The following KANK3 variants were observed in gnomAD, a reference collection of about 807,000 sequenced individuals.
The protein encoded by KANK3 is KN motif and ankyrin repeat domain-containing protein 3.
KANK3 carries 61 observed loss-of-function variants against 65.4 expected under a neutral mutation model. The observed-to-expected ratio is 0.93, with a 90% CI of 0.76 to 1.15. The LOEUF is 1.15. Among genes scored for constraint, KANK3 ranks in the 50% most tolerant of loss-of-function variants. The pLI is 0.00. For synonymous variants in KANK3, 586 were observed against 543.3 expected (o/e 1.08, Z -1.09); for missense variants, 1,187 against 1,178.8 (o/e 1.01, Z -0.10).
chr19:8,328,173 G>T (rs1236641864), intron 7 of KANK3, among the ~76,000 whole-genome samples: 1 of 152,066 alleles, frequency 6.6e-6, no homozygotes, highest in Non-Finnish European at 1.5e-5. Flanking sequence ...CGCTACTTGG[G>T]AGACTGAGGA....
At chr19:8,327,710 C>T (rs1264257337) in intron 7 of KANK3, among the ~76,000 whole-genome samples, 1 of 152,084 alleles carries the variant, frequency 6.6e-6, no homozygotes, top group East Asian at 1.9e-4. Context: ...GGAAGGATCG[C>T]TTGAGCCTGG....
At chr19:8,340,070 G>A (rs1247142021) in intron 1 of KANK3, among the ~76,000 whole-genome samples, 1 of 151,462 alleles carries the variant, frequency 6.6e-6, no homozygotes, top group Non-Finnish European at 1.5e-5. Context: ...TCAGGGAGGG[G>A]AAAGTGCCTA....
At chr19:8,336,935 C>T (rs1045932104) in intron 2 of KANK3, among the ~76,000 whole-genome samples, 2 of 151,986 alleles carry the variant, frequency 1.3e-5, no homozygotes, top group Non-Finnish European at 2.9e-5. Context: ...GAGGAATGGA[C>T]GCACAAGGGC....
Position 8,334,383 on chromosome 19 carries a change from G to A in KANK3, c.1364C>T (p.Thr455Ile), listed in dbSNP as rs773029634. The A allele has an allele frequency of 3.1e-6, 5 of 1,613,998 alleles. No homozygotes were observed. The South Asian group carries it at 3.3e-5, about 11-fold the overall frequency. ...TCCGGAGCTGGGTTGGGCACCAGGT[G>A]TGCCGTCTCTCTTCTTCATGATGGA... The part of the protein sequence containing the change: ...LKSIMKKRDG[T>I]PGAQPSSGPK... Residue 455 changes from threonine (T) to isoleucine (I), a missense_variant, in exon 4 of 11, where the codon ACA (threonine) becomes ATA (isoleucine). Coordinates refer to ENST00000330915, the MANE Select transcript of KANK3 (RefSeq NM_198471.3).
chr19:8,335,397 C>G lies in KANK3; in HGVS notation c.430G>C (p.Ala144Pro). 1 of 1,201,768 alleles carries G rather than the reference C, an allele frequency of 8.3e-7. No individual in the cohort carries two copies. The allele number at this position is 1,201,768 out of a possible 1,614,324, so 74.4% of individuals were successfully genotyped here. A position where few individuals can be genotyped will look rare whatever the true frequency, so the allele number is the denominator to read the frequency against. ...CTGGGCGCGCGCTCGTGTGTCTGCG[C>G]CAGCTCCAGCCGCCGGCTGGTCTCC... ...LRETSRRLEL[A>P]QTHERAPSPG... The change falls in exon 3 of 11, where the codon GCG (alanine) becomes CCG (proline). Residue 144 changes from alanine (A) to proline (P), a missense_variant. Ala to Pro is a conservative substitution (Grantham distance 27). This residue lies in a region of KANK3 where 1,078 missense variants were observed against 1,038.2 expected (regional missense o/e 1.04). Coordinates refer to ENST00000330915, the MANE Select transcript of KANK3 (RefSeq NM_198471.3).
intron 10 of KANK3, 113 bp from the exon 11 acceptor site, chr19:8,323,035 C>G: frequency 1.7e-6 from 1 of 599,906 alleles, no homozygotes; most frequent in Non-Finnish European, 2.8e-6. Context: ...CCCAGGCTGC[C>G]TGGTTTGTAT....
intron 1 of KANK3, among the ~76,000 whole-genome samples, chr19:8,339,975 AAAAAAAAAAG>A (rs1223142203): frequency 1.5e-4 from 21 of 139,538 alleles, no homozygotes; most frequent in Middle Eastern, 3.6e-3. Flanking sequence ...AAAAAAAAAA[AAAAAAAAAAG>A]AAAAGAAAAG....
chr19:8,340,256 C>G (rs1970706556), intron 1 of KANK3, among the ~76,000 whole-genome samples: 1 of 46,228 alleles, frequency 2.2e-5, no homozygotes, highest in South Asian at 5.4e-4. Flanking sequence ...AGCCAGACTC[C>G]GTCTCAAAAA....
chr19:8,334,982 C>A lies in KANK3; in HGVS notation c.845G>T (p.Gly282Val). The stretch of plus-strand genomic sequence containing the variant: ...CTCCCCGTCGAGGACCTGGAGCGCG[C>A]CCTCGCTGCGCCCTGCAGCCAGGCC... The part of the protein sequence containing the change: ...PDGLAAGRSE[G>V]ALQVLDGEVG... Residue 282 changes from glycine to valine, a missense_variant, in exon 3 of 11, where the codon GGC becomes GTC. Gly to Val is a moderately radical substitution (Grantham distance 109). Transcript: ENST00000330915. The A allele has an allele frequency of 1.3e-6, 2 of 1,492,206 alleles. No individual in the cohort carries two copies. Among genetic ancestry groups the A allele is most frequent in the Non-Finnish European group, 1.8e-6 (2 of 1,131,054 alleles). 92.4% of individuals were successfully genotyped at this position (1,492,206 alleles called of 1,614,324 possible).
chr19:8,327,892 C>A (rs948314235), intron 7 of KANK3, among the ~76,000 whole-genome samples: 1 of 152,160 alleles, frequency 6.6e-6, no homozygotes, highest in African/African-American at 2.4e-5. Flanking sequence ...CAGAAATAAC[C>A]AGAGTGGGGT....
chr19:8,343,087 G>A (rs1317639431), intron 1 of KANK3, 138 bp downstream of exon 1: 1 of 152,220 alleles, frequency 6.6e-6, no homozygotes, highest in Non-Finnish European at 1.5e-5. Flanking sequence ...CCGGCCAGAG[G>A]ACACGACGCC....
Position 8,334,692 on chromosome 19 carries a change from G to C in KANK3, c.1135C>G (p.Leu379Val), listed in dbSNP as rs1319257223. 2 of 1,533,252 alleles carry C rather than the reference G, an allele frequency of 1.3e-6. No homozygotes were observed. Among genetic ancestry groups the C allele is most frequent in the East Asian group, 2.5e-5 (1 of 40,776 alleles). The allele number at this position is 1,533,252 out of a possible 1,614,324, so 95.0% of individuals were successfully genotyped here. The change falls in exon 3 of 11, where the codon CTG (leucine) becomes GTG (valine). Residue 379 changes from leucine (L) to valine (V), a missense_variant. Leu to Val is a conservative substitution (Grantham distance 32). Coordinates refer to ENST00000330915, the MANE Select transcript of KANK3 (RefSeq NM_198471.3). ...TCCGCAGCCTCGCGGGCTTCCTCCA[G>C]CTCCCGCAACCGGCCCCGCAGAAGC... is the stretch of plus-strand genomic sequence containing the variant. ...SELLRGRLRE[L>V]EEAREAAEEA...
At chr19:8,338,036 T>TC in intron 1 of KANK3, 180 bp from the exon 2 acceptor site, 2 of 926,172 alleles carry the variant, frequency 2.2e-6, no homozygotes, top group Non-Finnish European at 2.6e-6. Flanking sequence ...TTTTTTTTTT[T>TC]TTTGGGACAG....
At position 8,334,380 on chromosome 19, in the gene KANK3, G is replaced by A. The variant is rs1970588182; in HGVS notation, c.1367C>T (p.Pro456Leu). ...GGGTCCGGAGCTGGGTTGGGCACCA[G>A]GTGTGCCGTCTCTCTTCTTCATGAT... ...KSIMKKRDGT[P>L]GAQPSSGPKS... Residue 456 changes from proline (P) to leucine (L), a missense_variant, in exon 4 of 11, where the codon CCT becomes CTT. By Grantham distance (98) the Pro-to-Leu change is moderately conservative (BLOSUM62 -3). Transcript: ENST00000330915. The A allele has an allele frequency of 3.1e-6, 5 of 1,614,128 alleles. No homozygotes were observed. The highest frequency in any genetic ancestry group is 4.2e-6 in the Non-Finnish European group (5 of 1,180,014).
intron 10 of KANK3, 200 bp from the exon 11 acceptor site, chr19:8,323,122 TGTTCCTCA>T: frequency 2.3e-6 from 1 of 438,186 alleles, no homozygotes; most frequent in Non-Finnish European, 4.1e-6. Flanking sequence ...TGAGTACAGG[TGTTCCTCA>T]GTTTACAATG....
At position 8,324,504 on chromosome 19, in the gene KANK3, TCCTG is replaced by T. The variant is rs754920644; in HGVS notation, c.2323_2326del (p.Gln775MetfsTer11). The stretch of plus-strand genomic sequence containing the variant: ...GGCATGTAGCAGAGCGGCCACCTCA[TCCTG>T]CTCAGCCTCCAGGGCGATGGCCAGG... On this transcript the variant is annotated frameshift_variant, in exon 10 of 11. Coordinates refer to ENST00000330915, the MANE Select transcript of KANK3 (RefSeq NM_198471.3). LOFTEE classifies it high-confidence loss of function. 6.2e-7 allele frequency: 1 copy of T among 1,613,418 alleles called. No homozygotes were observed. The highest frequency in any genetic ancestry group is 1.3e-5 in the African/African-American group (1 of 75,044).
chr19:8,325,216 C>G (rs1970404338), intron 7 of KANK3, 120 bp from the exon 8 acceptor site: 1 of 1,082,640 alleles, frequency 9.2e-7, no homozygotes, highest in East Asian at 2.6e-5. Flanking sequence ...AACGTTCTCC[C>G]CACAATAGCT....
chr19:8,340,935 A>T (rs912372919), intron 1 of KANK3, among the ~76,000 whole-genome samples: 2 of 152,132 alleles, frequency 1.3e-5, no homozygotes, highest in Non-Finnish European at 2.9e-5. Flanking sequence ...GGTTGTGGAA[A>T]AAGTCCAGAT....
chr19:8,328,053 G>A (rs919945205), intron 7 of KANK3, among the ~76,000 whole-genome samples: 1 of 152,190 alleles, frequency 6.6e-6, no homozygotes, highest in Admixed American at 6.6e-5. Context: ...CAAGGCAGGA[G>A]GATCACTTGA....
Sources: allele counts gnomAD v4.1 joint callset (sites outside exome capture counted in the v4.1 genomes callset), GRCh38; gene constraint gnomAD v4.1.1; regional missense constraint gnomAD v4.1.1; transcripts MANE v1.5; gene names NCBI Gene and HGNC (gene_info 2026-07-23, HGNC 2026-07-21).